KCNT1: variants seen among roughly 807,000 people sequenced by gnomAD.
The protein encoded by KCNT1 is potassium channel subfamily T member 1.
A neutral mutation model predicts 147.8 loss-of-function variants in KCNT1; 78 were observed. The observed-to-expected ratio is 0.53, with a 90% confidence interval of 0.44 to 0.64. The LOEUF (loss-of-function observed/expected upper bound fraction) is 0.64, where lower values mean the gene tolerates loss of function less well. Ranked by LOEUF, KCNT1 falls within the 30% of genes least tolerant of loss-of-function variation. The probability of loss-of-function intolerance (pLI) is 0.00; values close to 1 mark genes in which losing one functional copy is unlikely to be tolerated. For synonymous variants in KCNT1, 867 were observed against 748.8 expected, an observed-to-expected ratio of 1.16 and a Z score of -2.58; for missense variants, 1,419 against 1,750.3, an observed-to-expected ratio of 0.81 and a Z score of 3.38.
At position 135,757,317 on chromosome 9, in the gene KCNT1, G is replaced by A. The variant is rs1831563195; in HGVS notation, c.695G>A (p.Arg232Gln). The change falls in exon 9 of 31, where the codon CGG becomes CAG. Residue 232 changes from arginine to glutamine, a missense_variant. Transcript: ENST00000371757. ...FIITIFWPPL[R>Q]NLFIPVFLNC... Reference sequence around the variant, plus strand: ...TCACAGATCTTCTGGCCGCCGCTGCGGAACCTGTTCATCCCCGTCTTTCTG... The same window carrying A: ...TCACAGATCTTCTGGCCGCCGCTGCAGAACCTGTTCATCCCCGTCTTTCTG... The A allele has an allele frequency of 5.0e-6, 8 of 1,612,164 alleles. No homozygotes were observed. The highest frequency in any genetic ancestry group is 1.1e-5 in the South Asian group (1 of 91,062).
chr9:135,715,684 C>A (rs1835695502), intron 2 of KCNT1, among the ~76,000 whole-genome samples: 1 of 151,752 alleles, frequency 6.6e-6, no homozygotes, highest in African/African-American at 2.4e-5. Flanking sequence ...TCAGAATAAT[C>A]TACTGCTGAA....
At chr9:135,778,650 C>T (rs775342560) in intron 22 of KCNT1, 38 bp from the exon 23 acceptor site, 28 of 1,611,794 alleles carry the variant, frequency 1.7e-5, no homozygotes, top group Non-Finnish European at 2.2e-5. Context: ...GGGGAGTGGG[C>T]CGCATCCTCA....
chr9:135,716,886 C>T (rs1008060691), intron 2 of KCNT1, among the ~76,000 whole-genome samples: 7 of 152,190 alleles, frequency 4.6e-5, no homozygotes, highest in African/African-American at 1.7e-4. Flanking sequence ...ATTAGAGCTT[C>T]GGGGCTGTGT....
intron 24 of KCNT1, among the ~76,000 whole-genome samples, chr9:135,779,684 G>A (rs1833467216): frequency 6.6e-6 from 1 of 152,262 alleles, no homozygotes; most frequent in Non-Finnish European, 1.5e-5. Flanking sequence ...CCCTGACCGC[G>A]TGTGAGGCAC....
At chr9:135,743,428 C>T (rs1830660652) in intron 2 of KCNT1, among the ~76,000 whole-genome samples, 1 of 152,160 alleles carries the variant, frequency 6.6e-6, no homozygotes, top group Non-Finnish European at 1.5e-5. Context: ...GCAGCAGAAA[C>T]CACCGAGCAC....
intron 2 of KCNT1, among the ~76,000 whole-genome samples, chr9:135,732,715 G>T (rs1196792532): frequency 1.3e-5 from 2 of 151,690 alleles, no homozygotes; most frequent in Non-Finnish European, 2.9e-5. Flanking sequence ...TTGTTTTATT[G>T]TTGGCCGGGT....
chr9:135,738,095 G>A (rs1159685336), intron 2 of KCNT1, among the ~76,000 whole-genome samples: 1 of 152,212 alleles, frequency 6.6e-6, no homozygotes, highest in Non-Finnish European at 1.5e-5. Flanking sequence ...GGGCCCATAG[G>A]GATAGCAGGT....
chr9:135,784,507 C>G (rs1245121605), intron 25 of KCNT1, 28 bp from the exon 26 acceptor site: 18 of 519,634 alleles, frequency 3.5e-5, no homozygotes, highest in Non-Finnish European at 1.0e-5. Flanking sequence ...CCCTCCCTCC[C>G]TCCCTCCCTC....
Position 135,772,786 on chromosome 9 carries a change from A to G in KCNT1, c.2080A>G (p.Lys694Glu). 6.7e-7 allele frequency: 1 copy of G among 1,493,532 alleles called. No individual in the cohort carries two copies. The highest frequency in any genetic ancestry group is 8.9e-7 in the Non-Finnish European group (1 of 1,119,364). The allele number at this position is 1,493,532 out of a possible 1,614,324, so 92.5% of individuals were successfully genotyped here. The change falls in exon 19 of 31, where the codon AAG becomes GAG. Residue 694 changes from lysine (K) to glutamate (E), a missense_variant. Lys to Glu is a moderately conservative substitution (Grantham distance 56). Around this residue, in one of 5 missense-constraint regions of KCNT1, gnomAD observed 284 missense variants for 292.8 expected, o/e 0.97. Transcript: ENST00000371757. The part of the protein sequence containing the change: ...TQSGGGGGGS[K>E]LALPTENGSG... ...GAGCGGCGGTGGGGGCGGGGGCAGC[A>G]AGCTGGCACTGCCCACGGAGAACGG... is the stretch of plus-strand genomic sequence containing the variant.
chr9:135,764,980 C>T (rs1832155489), intron 11 of KCNT1, 51 bp from the exon 12 acceptor site: 3 of 1,558,980 alleles, frequency 1.9e-6, no homozygotes, highest in Middle Eastern at 1.7e-4. Flanking sequence ...TCACCGGGAG[C>T]CCTCGCTCCC....
rs1024563250 is a variant in KCNT1 at position 135,794,497 on chromosome 9, A to T, written c.*2336A>T. On this transcript the variant is annotated 3_prime_UTR_variant, in exon 31 of 31. Transcript: ENST00000371757. ...GTCCAGCCCTGGACATCCGAGGAGG[A>T]GGCGGGCAGTCCCTGCCCCTTCACT... is the stretch of plus-strand genomic sequence containing the variant. 1 of 152,234 alleles carries T rather than the reference A, an allele frequency of 6.6e-6. No individual in the cohort carries two copies. Among genetic ancestry groups the T allele is most frequent in the Non-Finnish European group, 1.5e-5 (1 of 68,046 alleles). The allele number at this position is 152,234 out of a possible 1,614,324, so 9.4% of individuals were successfully genotyped here.
chr9:135,746,978 A>G (rs1830863524), intron 2 of KCNT1, among the ~76,000 whole-genome samples: 2 of 151,886 alleles, frequency 1.3e-5, no homozygotes, highest in Admixed American at 1.3e-4. Context: ...AGGAATGGAG[A>G]ATTCTGCCTC....
chr9:135,748,231 G>T (rs995023033), intron 2 of KCNT1, among the ~76,000 whole-genome samples: 1 of 152,150 alleles, frequency 6.6e-6, no homozygotes, highest in African/African-American at 2.4e-5. Context: ...ACTGTGACCG[G>T]CCCCTGGCCC....
chr9:135,728,937 G>A (rs1029310345), intron 2 of KCNT1, among the ~76,000 whole-genome samples: 4 of 152,190 alleles, frequency 2.6e-5, no homozygotes, highest in African/African-American at 9.7e-5. Flanking sequence ...GGATTGAACT[G>A]TGTCCCCCAA....
intron 2 of KCNT1, among the ~76,000 whole-genome samples, chr9:135,731,987 TATATAGAGAGAGAGAGAGAG>T (rs1391519218): frequency 1.4e-4 from 3 of 21,840 alleles, no homozygotes; most frequent in African/African-American, 3.5e-4. Context: ...TATATATATA[TATATAGAGAGAGAGAGAGAG>T]AGAGAGAGAG....
chr9:135,792,030 C>A lies in KCNT1; in HGVS notation c.3588-11C>A. ...CACATCCACTCCAGGGTCCTCTGTG[C>A]CCTCCCGCAGCTATCTCATCCGCTC... On this transcript the variant is annotated splice_polypyrimidine_tract_variant and intron_variant, in intron 30 of 30. Transcript: ENST00000371757. 1 of 1,603,328 alleles carries A rather than the reference C, an allele frequency of 6.2e-7. No individual in the cohort carries two copies. The highest frequency in any genetic ancestry group is 1.7e-5 in the Admixed American group (1 of 59,918).
chr9:135,745,870 G>A lies in KCNT1; in HGVS notation c.255-4228G>A, dbSNP rs151239147. ...CATGCTGTGACTCTGAGGAGCTAGC[G>A]GAGCCCTCCAGGCTACCAGTGTCCA... On this transcript the variant is annotated intron_variant, in intron 2 of 30. Coordinates refer to ENST00000371757, the MANE Select transcript of KCNT1 (RefSeq NM_020822.3). Among the ~76,000 whole-genome samples the A allele has an allele frequency of 2.0e-4, 30 of 152,328 alleles. No individual in the cohort carries two copies. In the East Asian group the frequency reaches 5.2e-3, roughly 27 times the overall value.
intron 1 of KCNT1, among the ~76,000 whole-genome samples, chr9:135,713,398 G>T (rs1314981372): frequency 6.6e-6 from 1 of 152,268 alleles, no homozygotes; most frequent in African/African-American, 2.4e-5. Flanking sequence ...GCTGCCTGCA[G>T]CTTCAGCCTG....
At chr9:135,734,561 C>G (rs1428676009) in intron 2 of KCNT1, among the ~76,000 whole-genome samples, 1 of 152,152 alleles carries the variant, frequency 6.6e-6, no homozygotes, top group African/African-American at 2.4e-5. Context: ...TGTGGGCACT[C>G]CATGGACAAC....
Sources: gnomAD v4.1 joint callset for allele counts (sites outside exome capture counted in the v4.1 genomes callset) on GRCh38, gnomAD v4.1.1 for gene constraint, gnomAD v4.1.1 regional missense constraint, MANE v1.5 for transcripts, NCBI Gene and HGNC (gene_info 2026-07-23, HGNC 2026-07-21) for gene names.